SLC41A3: variants seen among roughly 807,000 people sequenced by gnomAD.
The protein encoded by SLC41A3 is SLC41A1-like 2.
SLC41A3 carries 44 observed loss-of-function variants against 45.4 expected under a neutral mutation model. The observed-to-expected ratio is 0.97, with a 90% CI of 0.76 to 1.25. The LOEUF (loss-of-function observed/expected upper bound fraction) is 1.25, where lower values mean the gene tolerates loss of function less well. Among genes scored for constraint, SLC41A3 ranks in the 50% most tolerant of loss-of-function variants. SLC41A3 has a pLI of 0.00. For synonymous variants in SLC41A3, 256 were observed against 252.4 expected, an observed-to-expected ratio of 1.01 and a Z score of -0.13; for missense variants, 550 against 600.6, an observed-to-expected ratio of 0.92 and a Z score of 0.88.
intron 7 of SLC41A3, among the ~76,000 whole-genome samples, 193 bp downstream of exon 7, chr3:126,016,538 C>T (rs1559811489): frequency 6.6e-6 from 1 of 152,188 alleles, no homozygotes; most frequent in Admixed American, 6.5e-5. Flanking sequence ...ACCAACAAGG[C>T]CCAGGGTTCT....
At chr3:126,052,524 A>C (rs1401348751) in intron 2 of SLC41A3, among the ~76,000 whole-genome samples, 1 of 152,136 alleles carries the variant, frequency 6.6e-6, no homozygotes, top group Non-Finnish European at 1.5e-5. Flanking sequence ...ACTACCTCTG[A>C]ACAAGTGCCT....
intron 1 of SLC41A3, among the ~76,000 whole-genome samples, chr3:126,097,198 T>C (rs1297638246): frequency 6.6e-6 from 1 of 152,180 alleles, no homozygotes; most frequent in African/African-American, 2.4e-5. Context: ...TGAGCATGTG[T>C]GGTGTGTTTA....
intron 4 of SLC41A3, among the ~76,000 whole-genome samples, chr3:126,028,084 C>T (rs889505972): frequency 3.9e-5 from 6 of 152,254 alleles, no homozygotes; most frequent in East Asian, 3.9e-4. Context: ...CCTGGCCATG[C>T]GGTAGAAAAG....
At chr3:126,031,582 T>C (rs894637079) in intron 4 of SLC41A3, among the ~76,000 whole-genome samples, 2 of 152,202 alleles carry the variant, frequency 1.3e-5, no homozygotes, top group African/African-American at 4.8e-5. Context: ...ATAAAACTTA[T>C]TGCACTGCTG....
chr3:126,020,042 G>A (rs893198708), intron 6 of SLC41A3, among the ~76,000 whole-genome samples: 1 of 152,120 alleles, frequency 6.6e-6, no homozygotes, highest in Non-Finnish European at 1.5e-5. Flanking sequence ...CCAAAACTTG[G>A]TAGTGGCTAC....
intron 2 of SLC41A3, 135 bp downstream of exon 2, chr3:126,067,812 A>G: frequency 8.9e-7 from 1 of 1,128,210 alleles, no homozygotes; most frequent in South Asian, 1.8e-5. Context: ...ATCTTGCCCA[A>G]TATATAGAAA....
chr3:126,007,989 C>A lies in SLC41A3; in HGVS notation c.1254+743G>T, dbSNP rs539039947. On this transcript the variant is annotated intron_variant, in intron 10 of 10. Transcript: ENST00000360370. The stretch of plus-strand genomic sequence containing the variant: ...TCTCCTTCACCATGCTTACTGCTGT[C>A]CAGCCCTGATCAATGTCTACGCATG... 3.9e-5 allele frequency among the ~76,000 whole-genome samples: 6 copies of A among 152,348 alleles called. No homozygotes were observed. In the South Asian group the frequency reaches 1.2e-3, roughly 32 times the overall value.
intron 6 of SLC41A3, among the ~76,000 whole-genome samples, chr3:126,019,173 C>T (rs991583698): frequency 4.6e-5 from 7 of 152,156 alleles, no homozygotes; most frequent in African/African-American, 1.7e-4. Context: ...CACCACATGG[C>T]GAGGGAACCG....
chr3:126,062,451 T>C (rs750137738), intron 2 of SLC41A3, among the ~76,000 whole-genome samples: 1 of 152,332 alleles, frequency 6.6e-6, no homozygotes, highest in Non-Finnish European at 1.5e-5. Context: ...CACACAGTCA[T>C]GCGGCCAAGG....
intron 5 of SLC41A3, chr3:126,023,672 A>G (rs1377688682): frequency 6.6e-6 from 1 of 152,440 alleles, no homozygotes; most frequent in Non-Finnish European, 1.5e-5. Flanking sequence ...GCAGCACTGA[A>G]GAGGTGAGGC....
In SLC41A3 at chr3:126,012,626, A is replaced by G. The variant is rs992089772; in HGVS notation, c.1094T>C (p.Phe365Ser). 6.2e-7 allele frequency: 1 copy of G among 1,614,214 alleles called. No homozygotes were observed. Among genetic ancestry groups the G allele is most frequent in the Admixed American group, 1.7e-5 (1 of 60,032 alleles). Reference sequence around the variant, plus strand: ...GACATGACACCCACCTGACGTGCAGAAAGTAGAACACGGGTTGGGCCAGAA... The same window carrying G: ...GACATGACACCCACCTGACGTGCAGGAAGTAGAACACGGGTTGGGCCAGAA... ...KKFWPNPCSTFCTSEINSMSA... is the reference protein window; with the variant it reads ...KKFWPNPCSTSCTSEINSMSA... Residue 365 changes from phenylalanine to serine, a missense_variant, in exon 9 of 11, where the codon TTC (phenylalanine) becomes TCC (serine). Transcript: ENST00000360370.
chr3:126,026,565 G>C lies in SLC41A3; in HGVS notation c.454-86C>G, dbSNP rs1043687023. On this transcript the variant is annotated intron_variant, in intron 4 of 10. Coordinates refer to ENST00000360370, the MANE Select transcript of SLC41A3 (RefSeq NM_017836.4). This position sits in a 1 kb window ranked among gnomAD's most constrained non-coding sequence, Gnocchi z 4.2. ...CCTTCACACCTCACTCACCGCAAGG[G>C]GCCGGGTGCCACATGCTACTGCCTC... The C allele has an allele frequency of 2.0e-6, 3 of 1,506,856 alleles. No homozygotes were observed. Among genetic ancestry groups the C allele is most frequent in the Non-Finnish European group, 2.7e-6 (3 of 1,116,494 alleles). The allele number at this position is 1,506,856 out of a possible 1,614,324, so 93.3% of individuals were successfully genotyped here.
At chr3:126,062,259 ATAT>A (rs1233348781) in intron 2 of SLC41A3, among the ~76,000 whole-genome samples, 1 of 152,146 alleles carries the variant, frequency 6.6e-6, no homozygotes, top group Non-Finnish European at 1.5e-5. Context: ...CCAATACCGA[ATAT>A]TATTGAAATC....
At chr3:126,007,463 C>T (rs562556317) in intron 10 of SLC41A3, among the ~76,000 whole-genome samples, 1 of 152,170 alleles carries the variant, frequency 6.6e-6, no homozygotes, top group Non-Finnish European at 1.5e-5. Context: ...CTTCTGGCAC[C>T]CTGAAGGGCC....
chr3:126,059,341 C>A (rs1303846475), intron 2 of SLC41A3, among the ~76,000 whole-genome samples: 1 of 147,058 alleles, frequency 6.8e-6, no homozygotes, highest in East Asian at 2.0e-4. Context: ...TGCTCTGAAG[C>A]AAACCCAGGG....
chr3:126,091,949 C>T (rs1195616396), intron 1 of SLC41A3, among the ~76,000 whole-genome samples: 1 of 152,208 alleles, frequency 6.6e-6, no homozygotes, highest in African/African-American at 2.4e-5. Context: ...TAATGAGGCA[C>T]ATCCAACTCT....
intron 1 of SLC41A3, among the ~76,000 whole-genome samples, chr3:126,079,634 T>C (rs6763487): frequency 0.14 from 20,961 of 152,146 alleles, 1,622 homozygotes; most frequent in African/African-American, 0.18. Context: ...AATGGAAGAA[T>C]TTCAATGAAA....
At chr3:126,067,278 A>G (rs970581819) in intron 2 of SLC41A3, among the ~76,000 whole-genome samples, 2 of 152,184 alleles carry the variant, frequency 1.3e-5, no homozygotes, top group Non-Finnish European at 2.9e-5. Flanking sequence ...TTGTTTTTTA[A>G]GTGGTTACAG....
At chr3:126,040,046 T>G (rs530372519) in intron 3 of SLC41A3, among the ~76,000 whole-genome samples, 38 of 152,268 alleles carry the variant, frequency 2.5e-4, no homozygotes, top group African/African-American at 8.4e-4. Context: ...GGTGTGTACC[T>G]GGAGTATCTG....
Sources: gnomAD v4.1 joint callset for allele counts (sites outside exome capture counted in the v4.1 genomes callset) on GRCh38, gnomAD v4.1.1 for gene constraint, Gnocchi (gnomAD v3.1) non-coding constraint, MANE v1.5 for transcripts, NCBI Gene and HGNC (gene_info 2026-07-23, HGNC 2026-07-21) for gene names.